KDM4B: variants seen among roughly 807,000 people sequenced by gnomAD.
The protein encoded by KDM4B is lysine-specific demethylase 4B.
In KDM4B, 32 loss-of-function variants were observed where a neutral mutation model predicts 125.2. That is an observed-to-expected ratio of 0.26 (90% confidence interval 0.19 to 0.34). The LOEUF (loss-of-function observed/expected upper bound fraction) is 0.34. Among genes scored for constraint, KDM4B ranks in the 10% least tolerant of loss-of-function variants. The pLI, the probability that KDM4B is intolerant of heterozygous loss-of-function variation, is 1.00. For missense variants in KDM4B, 1,190 were observed against 1,577.7 expected, an observed-to-expected ratio of 0.75 and a Z score of 4.16; for synonymous variants, 721 against 677.9, an observed-to-expected ratio of 1.06 and a Z score of -0.99.
Position 5,047,547 on chromosome 19 carries a change from C to G in KDM4B, c.504C>G (p.Ile168Met). Residue 168 changes from isoleucine (I) to methionine (M), a missense_variant, in exon 6 of 23, where the codon ATC (isoleucine) becomes ATG (methionine). Ile to Met is a conservative substitution (Grantham distance 10). This residue lies in a region of KDM4B where 139 missense variants were observed against 248.3 expected (regional missense o/e 0.56). Transcript: ENST00000159111. ...LDMVERECGT[I>M]IEGVNTPYLY... is the part of the protein sequence containing the mutation. ...TGGTGGAGCGCGAGTGCGGCACCAT[C>G]ATCGAGGGCGTGAACACGCCCTACC... The G allele has an allele frequency of 6.2e-7, 1 of 1,613,938 alleles. No individual in the cohort carries two copies.
rs375578820 is a variant in KDM4B at position 4,978,334 on chromosome 19, C to T, written c.-109+9104C>T. ...CCAGCCTGGCCAACGTGGTGAAACC[C>T]CATCTCTACTAAAAATGCAAAACTT... On this transcript the variant is annotated intron_variant, in intron 1 of 22. Transcript: ENST00000159111. 4.1e-3 allele frequency among the ~76,000 whole-genome samples: 628 copies of T among 151,622 alleles called. 4 individuals carry two copies. Among genetic ancestry groups the T allele is most frequent in the African/African-American group, 0.014 (591 of 41,358 alleles).
chr19:5,090,795 C>G (rs1250697712), intron 9 of KDM4B, among the ~76,000 whole-genome samples: 1 of 151,010 alleles, frequency 6.6e-6, no homozygotes, highest in African/African-American at 2.4e-5. Context: ...AGACCTTCCT[C>G]TGCTTCCCTT....
intron 9 of KDM4B, among the ~76,000 whole-genome samples, chr19:5,085,735 G>C (rs966435389): frequency 6.6e-6 from 1 of 152,190 alleles, no homozygotes; most frequent in Non-Finnish European, 1.5e-5. Context: ...CCTGGGCGGC[G>C]AGGGCCTTAC....
At chr19:5,084,246 A>C (rs1032468471) in intron 9 of KDM4B, among the ~76,000 whole-genome samples, 1 of 146,560 alleles carries the variant, frequency 6.8e-6, no homozygotes, top group African/African-American at 2.5e-5. Context: ...AAACTGTCTC[A>C]AAAAAAAATA....
At chr19:5,144,638 C>G in intron 20 of KDM4B, 145 bp from the exon 21 acceptor site, 1 of 1,215,848 alleles carries the variant, frequency 8.2e-7, no homozygotes. Flanking sequence ...GGCTCTGCAC[C>G]GCCCCGCTAC....
At chr19:5,015,262 T>C (rs1020354057) in intron 1 of KDM4B, among the ~76,000 whole-genome samples, 8 of 151,838 alleles carry the variant, frequency 5.3e-5, no homozygotes, top group South Asian at 2.1e-4. Flanking sequence ...TCCTTTTTTT[T>C]CCCTAGACGT....
At chr19:4,974,548 G>T (rs962059191) in intron 1 of KDM4B, among the ~76,000 whole-genome samples, 4 of 151,492 alleles carry the variant, frequency 2.6e-5, no homozygotes, top group African/African-American at 9.7e-5. Flanking sequence ...AGACCAGCCT[G>T]GCCAACATAG....
intron 9 of KDM4B, among the ~76,000 whole-genome samples, chr19:5,110,170 G>T (rs558156471): frequency 6.6e-6 from 1 of 152,308 alleles, no homozygotes; most frequent in East Asian, 1.9e-4. Context: ...CCTGACTTGT[G>T]ATAGAAGTTC....
At chr19:5,151,206 C>T (rs900285550) in intron 22 of KDM4B, 129 bp from the exon 23 acceptor site, 60 of 789,380 alleles carry the variant, frequency 7.6e-5, no homozygotes, top group Non-Finnish European at 1.0e-4. Context: ...AAACAGGAGC[C>T]TGCTGAGCAG....
chr19:5,093,271 G>A (rs373699637), intron 9 of KDM4B, among the ~76,000 whole-genome samples: 92 of 152,336 alleles, frequency 6.0e-4, no homozygotes, highest in African/African-American at 2.1e-3. Flanking sequence ...CTTTCATTTA[G>A]GGAGGGCCAA....
At chr19:5,143,607 C>T (rs898374457) in intron 18 of KDM4B, among the ~76,000 whole-genome samples, 1 of 152,186 alleles carries the variant, frequency 6.6e-6, no homozygotes, top group African/African-American at 2.4e-5. Context: ...CACGTGGTTC[C>T]TCTGGCTGAG....
chr19:5,048,792 C>T (rs952695536), intron 6 of KDM4B, among the ~76,000 whole-genome samples: 1 of 152,190 alleles, frequency 6.6e-6, no homozygotes, highest in Non-Finnish European at 1.5e-5. Context: ...GCGGGACGCC[C>T]ATGGTGTGAC....
At chr19:4,979,781 C>T (rs1457979785) in intron 1 of KDM4B, among the ~76,000 whole-genome samples, 1 of 152,194 alleles carries the variant, frequency 6.6e-6, no homozygotes, top group Non-Finnish European at 1.5e-5. Context: ...AGCTATCATT[C>T]ACATACTATG....
At chr19:5,124,785 AG>A (rs1335063876) in intron 11 of KDM4B, among the ~76,000 whole-genome samples, 1 of 152,176 alleles carries the variant, frequency 6.6e-6, no homozygotes, top group Non-Finnish European at 1.5e-5. Flanking sequence ...TAGTACAGAC[AG>A]GGTTTCACCA....
chr19:5,133,571 C>G (rs1390273208), intron 13 of KDM4B, among the ~76,000 whole-genome samples: 1 of 152,194 alleles, frequency 6.6e-6, no homozygotes, highest in African/African-American at 2.4e-5. Flanking sequence ...CTCTGGATGT[C>G]CAGGGAGAAC....
chr19:5,073,861 A>G (rs1373112065), intron 7 of KDM4B, among the ~76,000 whole-genome samples: 1 of 152,192 alleles, frequency 6.6e-6, no homozygotes, highest in Non-Finnish European at 1.5e-5. Context: ...TCACACCTGG[A>G]ATCCCAGTGC....
intron 1 of KDM4B, among the ~76,000 whole-genome samples, chr19:4,985,149 C>T (rs2034784061): frequency 6.6e-6 from 1 of 152,110 alleles, no homozygotes; most frequent in South Asian, 2.1e-4. Flanking sequence ...CATGGTGAAA[C>T]CCCTTCTCTA....
intron 1 of KDM4B, among the ~76,000 whole-genome samples, chr19:4,990,154 G>T (rs2034986829): frequency 6.6e-6 from 1 of 152,172 alleles, no homozygotes; most frequent in African/African-American, 2.4e-5. Flanking sequence ...AGCTGAGCAT[G>T]GAGGTGGCAC....
At chr19:5,060,022 AG>A (rs1222704350) in intron 6 of KDM4B, among the ~76,000 whole-genome samples, 27 of 152,296 alleles carry the variant, frequency 1.8e-4, no homozygotes, top group Middle Eastern at 3.4e-3. Flanking sequence ...TCCTCCCCAC[AG>A]CCTTCCAGGG....
Sources: allele counts gnomAD v4.1 joint callset (sites outside exome capture counted in the v4.1 genomes callset), GRCh38; gene constraint gnomAD v4.1.1; regional missense constraint gnomAD v4.1.1; transcripts MANE v1.5; gene names NCBI Gene and HGNC (gene_info 2026-07-23, HGNC 2026-07-21).